The following TENM1 variants were observed in gnomAD, a reference collection of about 807,000 sequenced individuals.
The protein encoded by TENM1 is teneurin transmembrane protein 1, also known as teneurin-1.
Under a neutral mutation model 174.8 loss-of-function variants are expected in TENM1, and 35 were observed. The ratio of observed to expected loss-of-function variants is 0.20; its 90% CI spans 0.15 to 0.27. TENM1 has a LOEUF of 0.27. Among genes scored for constraint, TENM1 ranks in the 10% least tolerant of loss-of-function variants. The pLI, the probability that TENM1 is intolerant of heterozygous loss-of-function variation, is 1.00. For synonymous variants in TENM1, 781 were observed against 798.7 expected, an observed-to-expected ratio of 0.98 and a Z score of 0.37; for missense variants, 1,633 against 2,130.1, an observed-to-expected ratio of 0.77 and a Z score of 4.59.
At chrX:125,129,108 G>C in the TENM1 span, among the ~76,000 whole-genome samples, 1 of 111,780 alleles carries the variant, frequency 8.9e-6, no homozygotes, top group African/African-American at 3.3e-5. Flanking sequence ...GACATAGTGA[G>C]AAGGCAGTTG....
chrX:124,646,233 G>A (rs2051155047), intron 9 of TENM1, among the ~76,000 whole-genome samples: 2 of 112,239 alleles, frequency 1.8e-5, no homozygotes, highest in South Asian at 7.3e-4. Context: ...TCGTTACTTT[G>A]TAGGCTCCTT....
intron 11 of TENM1, among the ~76,000 whole-genome samples, chrX:124,603,771 C>T (rs996831851): frequency 8.9e-6 from 1 of 111,809 alleles, no homozygotes; most frequent in South Asian, 3.7e-4. Context: ...AAATCTGTAT[C>T]ACAAAGAAAC....
the TENM1 span, among the ~76,000 whole-genome samples, chrX:125,144,219 T>C: frequency 2.7e-5 from 3 of 111,650 alleles, no homozygotes; most frequent in African/African-American, 9.8e-5. Flanking sequence ...TGATAATATA[T>C]AAAATTTAAA....
intron 3 of TENM1, among the ~76,000 whole-genome samples, chrX:124,843,893 T>C (rs2056553678): frequency 8.9e-6 from 1 of 111,764 alleles, no homozygotes; most frequent in Non-Finnish European, 1.9e-5. Flanking sequence ...CGTTGAGGTT[T>C]TATATTTTAT....
At chrX:124,503,245 C>T (rs1002631157) in intron 19 of TENM1, among the ~76,000 whole-genome samples, 1 of 111,072 alleles carries the variant, frequency 9.0e-6, no homozygotes, top group African/African-American at 3.3e-5. Context: ...GGGTAGCAAA[C>T]TCAGTTTGTC....
upstream of TENM1, among the ~76,000 whole-genome samples, chrX:124,966,877 A>G (rs1183328944): frequency 8.9e-6 from 1 of 111,859 alleles, no homozygotes; most frequent in African/African-American, 3.2e-5. Context: ...CCTTGCATAT[A>G]GTAGAGACTT....
At chrX:124,911,232 G>A (rs1012123455) in intron 1 of TENM1, among the ~76,000 whole-genome samples, 1 of 111,601 alleles carries the variant, frequency 9.0e-6, no homozygotes, top group Non-Finnish European at 1.9e-5. Flanking sequence ...TTTTAATAGA[G>A]CACTTCAACC....
chrX:125,045,239 G>A, the TENM1 span, among the ~76,000 whole-genome samples: 1 of 111,619 alleles, frequency 9.0e-6, no homozygotes, highest in Non-Finnish European at 1.9e-5. Context: ...CTCTTGACAC[G>A]TGGGGATTAC....
intron 11 of TENM1, among the ~76,000 whole-genome samples, chrX:124,569,970 C>T (rs2843531): frequency 0.39 from 43,196 of 109,940 alleles, 7,195 homozygotes; most frequent in East Asian, 0.8. Flanking sequence ...GATAAACTCC[C>T]GGTGGAGACT....
intron 4 of TENM1, among the ~76,000 whole-genome samples, chrX:124,734,413 G>A (rs183479740): frequency 1.7e-3 from 182 of 110,274 alleles, no homozygotes; most frequent in African/African-American, 5.8e-3. Context: ...TCTTGCCACC[G>A]CACTCCAGCC....
intron 5 of TENM1, among the ~76,000 whole-genome samples, chrX:124,693,008 C>CAAAAAAAAAAAA (rs576815327): frequency 9.0e-5 from 3 of 33,464 alleles, no homozygotes; most frequent in East Asian, 9.0e-4. Context: ...AACTCCATCT[C>CAAAAAAAAAAAA]AAAAAAAAAA....
chrX:124,900,448 G>A (rs757707639), intron 1 of TENM1, among the ~76,000 whole-genome samples: 10 of 112,008 alleles, frequency 8.9e-5, no homozygotes, highest in South Asian at 3.7e-4. Context: ...CTAAATGTCC[G>A]TTACCTTGAT....
At chrX:124,407,755 T>C (rs1603254425) in intron 25 of TENM1, among the ~76,000 whole-genome samples, 1 of 113,006 alleles carries the variant, frequency 8.8e-6, no homozygotes, top group South Asian at 3.6e-4. Context: ...CACACACACA[T>C]ATATATTATC....
the TENM1 span, among the ~76,000 whole-genome samples, chrX:125,077,711 A>C: frequency 0.017 from 1,838 of 111,230 alleles, 35 homozygotes; most frequent in African/African-American, 0.057. Context: ...ATCAGGAGAG[A>C]AGAGGGAAAT....
the TENM1 span, among the ~76,000 whole-genome samples, chrX:125,191,774 T>C: frequency 8.9e-6 from 1 of 112,077 alleles, no homozygotes; most frequent in Admixed American, 9.5e-5. Context: ...TATCATATAC[T>C]TCTATTATTT....
chrX:124,588,640 T>G (rs2049625755), intron 11 of TENM1, among the ~76,000 whole-genome samples: 1 of 110,453 alleles, frequency 9.1e-6, no homozygotes. Context: ...CATGTATACA[T>G]ATGTAACTAA....
At chrX:125,006,817 C>T in the TENM1 span, among the ~76,000 whole-genome samples, 3 of 111,343 alleles carry the variant, frequency 2.7e-5, no homozygotes, top group Non-Finnish European at 5.7e-5. Flanking sequence ...GAAGTAAAAA[C>T]AGCAACAATG....
At chrX:124,644,143 A>C (rs2148378031) in intron 10 of TENM1, among the ~76,000 whole-genome samples, 1 of 99,786 alleles carries the variant, frequency 1.0e-5, no homozygotes, top group East Asian at 3.0e-4. Context: ...ATATATATAT[A>C]AATTTATATA....
intron 5 of TENM1, among the ~76,000 whole-genome samples, chrX:124,682,853 T>C (rs2148456037): frequency 9.0e-6 from 1 of 111,203 alleles, no homozygotes; most frequent in Admixed American, 9.6e-5. Flanking sequence ...CATGGGAAGA[T>C]AGGAAAACAT....
Sources: gnomAD v4.1 joint callset for allele counts (sites outside exome capture counted in the v4.1 genomes callset) on GRCh38, gnomAD v4.1.1 for gene constraint, MANE v1.5 for transcripts, NCBI Gene and HGNC (gene_info 2026-07-23, HGNC 2026-07-21) for gene names.